FAR1: variants seen among roughly 807,000 people sequenced by gnomAD.
FAR1 encodes fatty acyl-CoA reductase 1.
In FAR1, 22 loss-of-function variants were observed where a neutral mutation model predicts 61.1. The ratio of observed to expected loss-of-function variants is 0.36; its 90% confidence interval spans 0.26 to 0.51. The LOEUF (loss-of-function observed/expected upper bound fraction) is 0.51. Ranked by LOEUF, FAR1 falls within the 20% of genes least tolerant of loss-of-function variation. FAR1 has a pLI of 0.95. For missense variants in FAR1, 359 were observed against 626.9 expected (o/e 0.57, Z 4.56); for synonymous variants, 206 against 209.7 (o/e 0.98, Z 0.15).
At chr11:13,706,515 CAA>C (rs760685668) in intron 3 of FAR1, among the ~76,000 whole-genome samples, 5 of 151,612 alleles carry the variant, frequency 3.3e-5, no homozygotes, top group Non-Finnish European at 7.4e-5. Context: ...TTTTAATTGA[CAA>C]AGGTATATAT....
intron 4 of FAR1, among the ~76,000 whole-genome samples, chr11:13,708,442 C>T (rs988518330): frequency 1.1e-4 from 11 of 98,532 alleles, no homozygotes; most frequent in Middle Eastern, 5.1e-3. Context: ...TGTGCGCGCG[C>T]GCGCGCACAC....
intron 3 of FAR1, among the ~76,000 whole-genome samples, chr11:13,707,291 G>A (rs955819565): frequency 1.3e-5 from 2 of 152,084 alleles, no homozygotes; most frequent in Non-Finnish European, 2.9e-5. Flanking sequence ...TTGGGGTCTT[G>A]CATATGCCTT....
chr11:13,725,029 A>G (rs1399295134), intron 10 of FAR1, among the ~76,000 whole-genome samples: 2 of 152,196 alleles, frequency 1.3e-5, no homozygotes, highest in African/African-American at 4.8e-5. Flanking sequence ...TCTAGCACTC[A>G]ATATTAGTTT....
At chr11:13,708,133 G>A in intron 4 of FAR1, 54 bp downstream of exon 4, 2 of 1,321,334 alleles carry the variant, frequency 1.5e-6, no homozygotes, top group Non-Finnish European at 2.0e-6. Context: ...AGAGGCCAAG[G>A]CGGGCGGATC....
chr11:13,680,260 G>A (rs1172985438), intron 1 of FAR1, among the ~76,000 whole-genome samples: 1 of 152,096 alleles, frequency 6.6e-6, no homozygotes, highest in African/African-American at 2.4e-5. Flanking sequence ...TTTCTTTCAG[G>A]TGAGGTTTTC....
In FAR1 at chr11:13,694,952, A is replaced by C; in HGVS notation, c.187A>C (p.Lys63Gln). Reference protein sequence around the residue: ...QERVEEVLSGKLFDRLRDENP... With the variant: ...QERVEEVLSGQLFDRLRDENP... ...GCGAGTGGAAGAAGTCCTTAGTGGC[A>C]AGGTAAGTATGGAAAATGAGCACTC... Residue 63 changes from lysine (K) to glutamine (Q), a missense_variant and splice_region_variant, in exon 2 of 12, where the codon AAG becomes CAG. Physicochemically the swap from Lys to Gln is moderately conservative, Grantham distance 53 (BLOSUM62 1). Around this residue, in one of 2 missense-constraint regions of FAR1, gnomAD observed 344 missense variants for 570.3 expected, o/e 0.60. Coordinates refer to ENST00000354817, the MANE Select transcript of FAR1 (RefSeq NM_032228.6). The C allele has an allele frequency of 6.2e-7, 1 of 1,607,100 alleles. No homozygotes were observed. Among genetic ancestry groups the C allele is most frequent in the Non-Finnish European group, 8.5e-7 (1 of 1,176,512 alleles).
intron 1 of FAR1, among the ~76,000 whole-genome samples, chr11:13,683,481 T>C (rs1176486629): frequency 6.6e-6 from 1 of 152,044 alleles, no homozygotes; most frequent in African/African-American, 2.4e-5. Flanking sequence ...ATAGATGAAA[T>C]ACTAATATTT....
intron 1 of FAR1, among the ~76,000 whole-genome samples, chr11:13,676,824 G>T (rs72864682): frequency 1.2e-3 from 185 of 152,290 alleles, no homozygotes; most frequent in Middle Eastern, 3.4e-3. Context: ...CTTGTGACCT[G>T]TTGGAGTTAA....
At chr11:13,688,368 G>T (rs549250721) in intron 1 of FAR1, among the ~76,000 whole-genome samples, 1 of 152,052 alleles carries the variant, frequency 6.6e-6, no homozygotes, top group Non-Finnish European at 1.5e-5. Context: ...ATTCTGTTAG[G>T]CTTGAGGAGA....
At chr11:13,712,724 A>G (rs1379499915) in intron 7 of FAR1, among the ~76,000 whole-genome samples, 1 of 152,026 alleles carries the variant, frequency 6.6e-6, no homozygotes, top group Admixed American at 6.6e-5. Context: ...TATAAGGAGG[A>G]AAAATGTGAA....
chr11:13,720,784 A>G (rs1848602509), intron 9 of FAR1: 1 of 152,096 alleles, frequency 6.6e-6, no homozygotes, highest in Non-Finnish European at 1.5e-5. Context: ...AAATCTTTAA[A>G]AAGTACTTCT....
At chr11:13,718,791 G>A (rs1848579887) in intron 9 of FAR1, among the ~76,000 whole-genome samples, 1 of 152,164 alleles carries the variant, frequency 6.6e-6, no homozygotes, top group African/African-American at 2.4e-5. Context: ...GTCAGACAGG[G>A]ACTGGAGGAA....
At chr11:13,706,278 G>A (rs2134188115) in intron 3 of FAR1, among the ~76,000 whole-genome samples, 1 of 152,064 alleles carries the variant, frequency 6.6e-6, no homozygotes, top group South Asian at 2.1e-4. Context: ...AGGAATTTTA[G>A]TTTCTTTTTA....
chr11:13,686,008 G>A (rs1027003687), intron 1 of FAR1, among the ~76,000 whole-genome samples: 1 of 152,076 alleles, frequency 6.6e-6, no homozygotes, highest in Admixed American at 6.6e-5. Flanking sequence ...TTCTAGCGCT[G>A]TGCACTCAAT....
At chr11:13,675,759 A>C (rs540351747) in intron 1 of FAR1, among the ~76,000 whole-genome samples, 1 of 152,284 alleles carries the variant, frequency 6.6e-6, no homozygotes, top group South Asian at 2.1e-4. Context: ...TAACTATTTG[A>C]CAATTTTAAG....
chr11:13,711,249 T>G (rs1848495703), intron 5 of FAR1: 1 of 234,232 alleles, frequency 4.3e-6, no homozygotes, highest in African/African-American at 2.3e-5. Flanking sequence ...TGTGAATTCC[T>G]GGAATGAGAG....
chr11:13,709,902 A>G (rs964133327), intron 4 of FAR1, among the ~76,000 whole-genome samples: 1 of 152,122 alleles, frequency 6.6e-6, no homozygotes, highest in Non-Finnish European at 1.5e-5. Flanking sequence ...TACATAATGT[A>G]TTAGAATCAG....
At chr11:13,695,974 C>A (rs1451044446) in intron 2 of FAR1, among the ~76,000 whole-genome samples, 1 of 152,066 alleles carries the variant, frequency 6.6e-6, no homozygotes, top group Non-Finnish European at 1.5e-5. Flanking sequence ...ACATTAGTCT[C>A]CCTTAATCAT....
intron 3 of FAR1, among the ~76,000 whole-genome samples, chr11:13,707,325 A>G (rs968476011): frequency 6.6e-6 from 1 of 152,154 alleles, no homozygotes; most frequent in African/African-American, 2.4e-5. Flanking sequence ...CAGTTTTATT[A>G]TAATATCCCT....
Sources: allele counts gnomAD v4.1 joint callset (sites outside exome capture counted in the v4.1 genomes callset), GRCh38; gene constraint gnomAD v4.1.1; regional missense constraint gnomAD v4.1.1; transcripts MANE v1.5; gene names NCBI Gene and HGNC (gene_info 2026-07-23, HGNC 2026-07-21).